Variants in NUP205 observed in about 807,000 individuals in gnomAD.
NUP205 encodes nuclear pore complex protein Nup205.
NUP205 carries 76 observed loss-of-function variants against 253.8 expected under a neutral mutation model. That is an observed-to-expected ratio of 0.30 (90% CI 0.25 to 0.36). NUP205 has a LOEUF of 0.36. NUP205 is among the 10% of genes least tolerant of loss of function. NUP205 has a pLI of 1.00. For synonymous variants in NUP205, 832 were observed against 850.1 expected (o/e 0.98, Z 0.37); for missense variants, 2,162 against 2,425.5 (o/e 0.89, Z 2.28).
intron 1 of NUP205, among the ~76,000 whole-genome samples, chr7:135,570,089 A>AGAGAGG (rs1805912408): frequency 6.7e-6 from 1 of 149,526 alleles, no homozygotes; most frequent in Non-Finnish European, 1.5e-5. Flanking sequence ...AGAGAGAGAG[A>AGAGAGG]GAGAGAAACT....
chr7:135,641,323 G>A (rs1197074715), intron 38 of NUP205, among the ~76,000 whole-genome samples: 1 of 152,220 alleles, frequency 6.6e-6, no homozygotes, highest in Non-Finnish European at 1.5e-5. Context: ...TTCAGTAGGA[G>A]AAGGCTCTCT....
chr7:135,633,513 T>C (rs1464329167), intron 35 of NUP205, among the ~76,000 whole-genome samples: 1 of 152,224 alleles, frequency 6.6e-6, no homozygotes, highest in African/African-American at 2.4e-5. Context: ...TGTGTATATG[T>C]GTGTGTGTAC....
intron 10 of NUP205, among the ~76,000 whole-genome samples, chr7:135,589,007 C>T (rs1806548479): frequency 6.6e-6 from 1 of 150,678 alleles, no homozygotes; most frequent in Non-Finnish European, 1.5e-5. Flanking sequence ...AATGAGACCC[C>T]ATCGCTACAA....
chr7:135,643,319 A>G lies in NUP205; in HGVS notation c.5520A>G (p.Leu1840=), dbSNP rs1187413048. ...GTCATCGACAGAGTGTCAGCAAGCT[A>G]CAAAATGTAGAGCAGCTTCCCCCAG... ...YDSHRQSVSK[L]QNVEQLPPDE... is the part of the protein sequence containing the mutation. Residue 1840 remains leucine (L), a synonymous_variant, in exon 39 of 43, where the codon CTA becomes CTG. Transcript: ENST00000285968. The G allele has an allele frequency of 2.5e-6, 4 of 1,614,016 alleles. No individual in the cohort carries two copies. Among genetic ancestry groups the G allele is most frequent in the African/African-American group, 1.3e-5 (1 of 74,936 alleles).
At chr7:135,589,660 G>A (rs1460734057) in intron 10 of NUP205, among the ~76,000 whole-genome samples, 1 of 151,408 alleles carries the variant, frequency 6.6e-6, no homozygotes, top group Non-Finnish European at 1.5e-5. Context: ...GCCAGGCACG[G>A]TGCTTCACAC....
At chr7:135,567,141 T>C (rs1245207953) in intron 1 of NUP205, among the ~76,000 whole-genome samples, 5 of 42,970 alleles carry the variant, frequency 1.2e-4, no homozygotes, top group South Asian at 1.1e-3. Flanking sequence ...TATATATATA[T>C]ATATATATAT....
At chr7:135,622,998 C>A in intron 31 of NUP205, 73 bp downstream of exon 31, 2 of 1,484,374 alleles carry the variant, frequency 1.3e-6, no homozygotes, top group South Asian at 1.2e-5. Context: ...TGATTCACGG[C>A]TGGGTGTGGT....
At chr7:135,588,909 G>A (rs991883599) in intron 10 of NUP205, among the ~76,000 whole-genome samples, 4 of 151,336 alleles carry the variant, frequency 2.6e-5, no homozygotes, top group African/African-American at 9.7e-5. Flanking sequence ...TTGCTATGCA[G>A]TAGTTCACAC....
intron 13 of NUP205, among the ~76,000 whole-genome samples, chr7:135,594,953 G>A (rs1793791537): frequency 2.6e-5 from 4 of 152,066 alleles, no homozygotes. Flanking sequence ...GGTTCTTCAT[G>A]TACTGTACCT....
chr7:135,616,949 A>G, intron 25 of NUP205, 141 bp from the exon 26 acceptor site: 1 of 656,996 alleles, frequency 1.5e-6, no homozygotes, highest in African/African-American at 1.9e-5. Flanking sequence ...TCAAATTTAG[A>G]TTCCAATACA....
At chr7:135,645,708 A>T in intron 41 of NUP205, 112 bp downstream of exon 41, 1 of 1,041,218 alleles carries the variant, frequency 9.6e-7, no homozygotes, top group South Asian at 1.6e-5. Context: ...GAATTGGGTG[A>T]ATCAAGAGCT....
Position 135,619,592 on chromosome 7 carries a change from C to T in NUP205, c.4133C>T (p.Pro1378Leu). Residue 1378 changes from proline (P) to leucine (L), a missense_variant, in exon 29 of 43, where the codon CCT becomes CTT. Around this residue, in one of 5 missense-constraint regions of NUP205, gnomAD observed 1,144 missense variants for 1,280.9 expected, o/e 0.89. Transcript: ENST00000285968. ...ATGCTTGATAGTTGCTTCACCTCACCTCCTCCTGAAGAGAACCCATTAGTG... is the reference window on the plus strand; with the variant it reads ...ATGCTTGATAGTTGCTTCACCTCACTTCCTCCTGAAGAGAACCCATTAGTG... The part of the protein sequence containing the change: ...AFMLDSCFTS[P>L]PPEENPLVGF... 6.2e-7 allele frequency: 1 copy of T among 1,614,148 alleles called. No individual in the cohort carries two copies. The highest frequency in any genetic ancestry group is 8.5e-7 in the Non-Finnish European group (1 of 1,180,008).
At position 135,567,174 on chromosome 7, in the gene NUP205, A is replaced by G. The variant is rs1382983572; in HGVS notation, c.29-3931A>G. On this transcript the variant is annotated intron_variant, in intron 1 of 42. Transcript: ENST00000285968. ...TATATATATATATATATATATATAT[A>G]TATATATGTATATATGGTCCCTCAG... 3.2e-3 allele frequency among the ~76,000 whole-genome samples: 343 copies of G among 105,764 alleles called. 1 individual carries two copies. Among genetic ancestry groups the G allele is most frequent in the Non-Finnish European group, 5.5e-3 (285 of 51,496 alleles). 69.4% of individuals were successfully genotyped at this position (105,764 alleles called of 152,430 possible). A position where few individuals can be genotyped will look rare whatever the true frequency, so the allele number is the denominator to read the frequency against.
chr7:135,592,049 A>G (rs1806643901), intron 11 of NUP205, among the ~76,000 whole-genome samples: 1 of 152,256 alleles, frequency 6.6e-6, no homozygotes, highest in Non-Finnish European at 1.5e-5. Flanking sequence ...GGGAAAAGAA[A>G]TTAAGCATCT....
At chr7:135,609,758 C>T (rs1794185320) in intron 22 of NUP205, among the ~76,000 whole-genome samples, 2 of 152,056 alleles carry the variant, frequency 1.3e-5, no homozygotes, top group African/African-American at 2.4e-5. Flanking sequence ...CTTTTCTGTC[C>T]TCCGGCTGTC....
rs57007288 is a variant in NUP205, at chr7:135,642,843, G to GGTGTGTGTGTGTGT, written c.5393-324_5393-311dup. Among the ~76,000 whole-genome samples, 129 of 144,978 alleles carry GGTGTGTGTGTGTGT rather than the reference G, an allele frequency of 8.9e-4. 3 individuals carry two copies. The highest frequency in any genetic ancestry group is 5.3e-3 in the South Asian group (24 of 4,492). The stretch of plus-strand genomic sequence containing the variant: ...GTGTATATTGTTTTTGATGTGGAGG[G>GGTGTGTGTGTGTGT]GTGTGTGTGTGTGTGTGTGTGTGTG... On this transcript the variant is annotated intron_variant, in intron 38 of 42. Coordinates refer to ENST00000285968, the MANE Select transcript of NUP205 (RefSeq NM_015135.3).
chr7:135,573,989 T>C (rs529800662), intron 3 of NUP205, among the ~76,000 whole-genome samples, 164 bp downstream of exon 3: 1 of 152,220 alleles, frequency 6.6e-6, no homozygotes, highest in Non-Finnish European at 1.5e-5. Flanking sequence ...TTGTTTTTTT[T>C]TGAGACAGAG....
intron 37 of NUP205, 118 bp from the exon 38 acceptor site, chr7:135,638,439 A>T: frequency 2.3e-6 from 2 of 878,084 alleles, no homozygotes; most frequent in South Asian, 3.4e-5. Flanking sequence ...AAAAGAATAC[A>T]CAGATGTGAG....
At chr7:135,601,219 TAGG>T in intron 16 of NUP205, 148 bp from the exon 17 acceptor site, 1 of 705,602 alleles carries the variant, frequency 1.4e-6, no homozygotes, top group Non-Finnish European at 2.3e-6. Flanking sequence ...GATTTGCCCT[TAGG>T]AGAATTACTG....
Sources: allele counts gnomAD v4.1 joint callset (sites outside exome capture counted in the v4.1 genomes callset), GRCh38; gene constraint gnomAD v4.1.1; regional missense constraint gnomAD v4.1.1; transcripts MANE v1.5; gene names NCBI Gene and HGNC (gene_info 2026-07-23, HGNC 2026-07-21).